The following TJP1 variants were observed in gnomAD, a reference collection of about 807,000 sequenced individuals.
The protein encoded by TJP1 is tight junction protein ZO-1.
Under a neutral mutation model 194.2 loss-of-function variants are expected in TJP1, and 43 were observed. The observed-to-expected ratio is 0.22, with a 90% CI of 0.17 to 0.29. The LOEUF is 0.29. Ranked by LOEUF, TJP1 falls within the 10% of genes least tolerant of loss-of-function variation. The probability of loss-of-function intolerance (pLI) is 1.00; values close to 1 mark genes in which losing one functional copy is unlikely to be tolerated. For missense variants in TJP1, 1,971 were observed against 2,185.7 expected (o/e 0.90, Z 1.96); for synonymous variants, 801 against 779.0 (o/e 1.03, Z -0.47).
At position 29,822,248 on chromosome 15, in the gene TJP1, C is replaced by G; in HGVS notation, c.-220G>C. The G allele has an allele frequency of 8.5e-7, 1 of 1,170,268 alleles. No individual in the cohort carries two copies. The highest frequency in any genetic ancestry group is 1.1e-6 in the Non-Finnish European group (1 of 948,214). 72.5% of individuals were successfully genotyped at this position (1,170,268 alleles called of 1,614,324 possible). ...CCGGGTCTTCTCCACGGGGCGCGCC[C>G]GACCGGCACCTCCCTCCGAGCGCGG... is the stretch of plus-strand genomic sequence containing the variant. On this transcript the variant is annotated 5_prime_UTR_variant, in exon 1 of 28. Transcript: ENST00000614355.
intron 2 of TJP1, among the ~76,000 whole-genome samples, chr15:29,854,989 A>T (rs957726683): frequency 3.7e-4 from 56 of 152,244 alleles, no homozygotes; most frequent in African/African-American, 1.3e-3. Context: ...TCCTTTAATT[A>T]ATAAGCAATC....
At chr15:29,877,824 C>T (rs780324407) in intron 2 of TJP1, among the ~76,000 whole-genome samples, 15 of 151,212 alleles carry the variant, frequency 9.9e-5, no homozygotes, top group East Asian at 2.0e-4. Flanking sequence ...CGTGCCATCA[C>T]GCCTGGCTAA....
chr15:29,818,975 G>C (rs892545484), intron 1 of TJP1, among the ~76,000 whole-genome samples: 5 of 149,470 alleles, frequency 3.3e-5, no homozygotes, highest in African/African-American at 7.4e-5. Flanking sequence ...GCGCCACCAT[G>C]CCCGGCTAAT....
At chr15:29,847,919 A>G (rs1416554502) in intron 2 of TJP1, among the ~76,000 whole-genome samples, 1 of 152,026 alleles carries the variant, frequency 6.6e-6, no homozygotes, top group Non-Finnish European at 1.5e-5. Flanking sequence ...TTTATTTCCA[A>G]TTATGTGTAT....
chr15:29,804,483 C>CT (rs2048991393), intron 1 of TJP1, among the ~76,000 whole-genome samples: 1 of 152,074 alleles, frequency 6.6e-6, no homozygotes, highest in Admixed American at 6.5e-5. Flanking sequence ...TCACTAATGA[C>CT]TGAGAATTTT....
chr15:29,872,453 C>G (rs1419422689), intron 2 of TJP1, among the ~76,000 whole-genome samples: 3 of 152,182 alleles, frequency 2.0e-5, no homozygotes, highest in Admixed American at 1.3e-4. Context: ...CTGAAGAAAG[C>G]TGGTCCTTTG....
chr15:29,870,752 A>G (rs140114537), intron 2 of TJP1, among the ~76,000 whole-genome samples: 1 of 152,366 alleles, frequency 6.6e-6, no homozygotes, highest in African/African-American at 2.4e-5. Context: ...CTGCCTCAGT[A>G]ACACAACCTG....
chr15:29,938,009 A>C (rs780590223), intron 2 of TJP1, among the ~76,000 whole-genome samples: 31 of 152,250 alleles, frequency 2.0e-4, no homozygotes, highest in Non-Finnish European at 3.4e-4. Context: ...GAAGCATTTA[A>C]GTAGTCCATC....
intron 2 of TJP1, among the ~76,000 whole-genome samples, chr15:29,774,543 C>T (rs2046894405): frequency 1.3e-5 from 2 of 152,022 alleles, no homozygotes; most frequent in Non-Finnish European, 2.9e-5. Flanking sequence ...ATATAAAATG[C>T]TCAGAAAGGC....
chr15:29,932,583 G>C (rs938812911), intron 2 of TJP1, among the ~76,000 whole-genome samples: 2 of 151,882 alleles, frequency 1.3e-5, no homozygotes, highest in African/African-American at 4.8e-5. Flanking sequence ...TTTAAAACAA[G>C]ACATTAAAAT....
chr15:29,812,008 A>G (rs1050204083), intron 1 of TJP1, among the ~76,000 whole-genome samples: 1 of 152,256 alleles, frequency 6.6e-6, no homozygotes, highest in African/African-American at 2.4e-5. Context: ...TTTAGAAGAC[A>G]CAGCTAACAT....
chr15:29,701,063 TCTTCA>T lies in TJP1; in HGVS notation c.*527_*531del, dbSNP rs1303373888. ...TGTTTTCATGTACAGTAAGTCATTG[TCTTCA>T]CTTCACCCTCCCCCAGTTGTAAATC... On this transcript the variant is annotated 3_prime_UTR_variant, in exon 28 of 28. Transcript: ENST00000614355. 2.6e-5 allele frequency: 4 copies of T among 153,656 alleles called. No homozygotes were observed. The highest frequency in any genetic ancestry group is 4.8e-5 in the African/African-American group (2 of 41,486). 9.5% of individuals were successfully genotyped at this position (153,656 alleles called of 1,614,324 possible).
At chr15:29,765,629 G>A (rs1251100811) in intron 5 of TJP1, among the ~76,000 whole-genome samples, 1 of 152,112 alleles carries the variant, frequency 6.6e-6, no homozygotes, top group Non-Finnish European at 1.5e-5. Flanking sequence ...GTGGCTTCCC[G>A]CCTATAATCC....
At position 29,791,954 on chromosome 15, in the gene TJP1, T is replaced by C. The variant is rs528817068; in HGVS notation, c.84+8692A>G. Among the ~76,000 whole-genome samples the C allele has an allele frequency of 2.0e-5, 3 of 152,036 alleles. No homozygotes were observed. In the East Asian group the frequency reaches 5.8e-4, roughly 29 times the overall value. On this transcript the variant is annotated intron_variant, in intron 2 of 27. Coordinates refer to ENST00000614355, the MANE Select transcript of TJP1 (RefSeq NM_001330239.4). ...ATCTATTCAGCTCTTGTGCTTCAGA[T>C]CTTTTGCCCATTTTTAAATTGGATT... is the stretch of plus-strand genomic sequence containing the variant.
At chr15:29,714,628 T>C (rs1392761426) in intron 23 of TJP1, among the ~76,000 whole-genome samples, 4 of 135,116 alleles carry the variant, frequency 3.0e-5, no homozygotes, top group Admixed American at 7.4e-5. Flanking sequence ...GCAAGCTCTG[T>C]CTCCCGGGTT....
At chr15:29,903,011 A>G (rs903883326) in intron 2 of TJP1, among the ~76,000 whole-genome samples, 2 of 152,006 alleles carry the variant, frequency 1.3e-5, no homozygotes, top group East Asian at 1.9e-4. Context: ...TCTATCTAAT[A>G]TGCCAGGTTT....
At chr15:29,793,289 G>A (rs1315416132) in intron 2 of TJP1, among the ~76,000 whole-genome samples, 1 of 152,152 alleles carries the variant, frequency 6.6e-6, no homozygotes, top group Non-Finnish European at 1.5e-5. Flanking sequence ...TCTACATCCA[G>A]TTGAGTTTTT....
intron 22 of TJP1, 58 bp from the exon 23 acceptor site, chr15:29,716,896 A>T: frequency 7.0e-7 from 1 of 1,425,598 alleles, no homozygotes; most frequent in Non-Finnish European, 9.7e-7. Context: ...TTATGAAGGA[A>T]GTAGAATATG....
In TJP1 at chr15:29,701,681, T is replaced by C. The variant is rs531813486; in HGVS notation, c.5221A>G (p.Lys1741Glu). Residue 1741 changes from lysine to glutamate, a missense_variant, in exon 28 of 28, where the codon AAA (lysine) becomes GAA (glutamate). By Grantham distance (56) the Lys-to-Glu change is moderately conservative. This residue lies in a region of TJP1 where 1,108 missense variants were observed against 1,128.5 expected (regional missense o/e 0.98). Transcript: ENST00000614355. ...GGAAGACACTTGTTTTGCCAGGTTT[T>C]AGGATCACCTATGAGAGAAAAGAAG... Reference protein sequence around the residue: ...KSSDSSSGDPKTWQNKCLPGD... With the variant: ...KSSDSSSGDPETWQNKCLPGD... The C allele has an allele frequency of 6.2e-7, 1 of 1,613,816 alleles. No homozygotes were observed. Among genetic ancestry groups the C allele is most frequent in the Non-Finnish European group, 8.5e-7 (1 of 1,179,698 alleles).
Sources: gnomAD v4.1 joint callset for allele counts (sites outside exome capture counted in the v4.1 genomes callset) on GRCh38, gnomAD v4.1.1 for gene constraint, gnomAD v4.1.1 regional missense constraint, MANE v1.5 for transcripts, NCBI Gene and HGNC (gene_info 2026-07-23, HGNC 2026-07-21) for gene names.